The following AVIL variants were observed in gnomAD, a reference collection of about 807,000 sequenced individuals.
The protein encoded by AVIL is advillin.
AVIL carries 78 observed loss-of-function variants against 109.9 expected under a neutral mutation model. The observed-to-expected ratio is 0.71, with a 90% CI of 0.59 to 0.86. AVIL has a LOEUF of 0.86. Among genes scored for constraint, AVIL ranks in the 40% least tolerant of loss-of-function variants. AVIL has a pLI of 0.00. For synonymous variants in AVIL, 367 were observed against 379.1 expected (o/e 0.97, Z 0.37); for missense variants, 892 against 1,016.5 (o/e 0.88, Z 1.67).
chr12:57,807,485 C>T lies in AVIL; in HGVS notation c.1337G>A (p.Arg446His), dbSNP rs1334894971. The change falls in exon 13 of 20, where the codon CGC (arginine) becomes CAC (histidine). Residue 446 changes from arginine to histidine, a missense_variant. By Grantham distance (29) the Arg-to-His change is conservative (BLOSUM62 0). Coordinates refer to ENST00000549994, the MANE Select transcript of AVIL (RefSeq NM_006576.4). ...TGCCAGCTCATCCTGTGAGGCGTGGCGGCCCTGCAATGGTGAGAGGCCATG... is the reference window on the plus strand; with the variant it reads ...TGCCAGCTCATCCTGTGAGGCGTGGTGGCCCTGCAATGGTGAGAGGCCATG... ...PHHILYIWQG[R>H]HASQDELAAS... The T allele has an allele frequency of 1.2e-5, 19 of 1,614,130 alleles. 1 individual carries two copies. The highest frequency in any genetic ancestry group is 5.5e-5 in the South Asian group (5 of 91,094).
In AVIL at chr12:57,807,238, C is replaced by T. The variant is rs942163569; in HGVS notation, c.1491+93G>A. 7 of 1,569,182 alleles carry T rather than the reference C, an allele frequency of 4.5e-6. No homozygotes were observed. In the South Asian group the frequency reaches 8.1e-5, roughly 18 times the overall value. On this transcript the variant is annotated intron_variant, in intron 13 of 19. Coordinates refer to ENST00000549994, the MANE Select transcript of AVIL (RefSeq NM_006576.4). ...TGTCTAATCCAAGCCTGACTCCCTACCCCACCCCTCCTCTGCTCTCCAATA... is the reference window on the plus strand; with the variant it reads ...TGTCTAATCCAAGCCTGACTCCCTATCCCACCCCTCCTCTGCTCTCCAATA...
Position 57,809,634 on chromosome 12 carries a change from G to T in AVIL, c.902C>A (p.Thr301Lys), listed in dbSNP as rs1956007404. Reference protein sequence around the residue: ...KIYVWKGKGATKAEKQAAMSK... With the variant: ...KIYVWKGKGAKKAEKQAAMSK... ...CATGGCTGCCTGTTTTTCAGCCTTT[G>T]TGGCTCCTTTTCCTTTCCACACGTA... The change falls in exon 9 of 20, where the codon ACA (threonine) becomes AAA (lysine). Residue 301 changes from threonine to lysine, a missense_variant. Physicochemically the swap from Thr to Lys is moderately conservative, Grantham distance 78. Transcript: ENST00000549994. 1 of 1,614,084 alleles carries T rather than the reference G, an allele frequency of 6.2e-7. No homozygotes were observed. Among genetic ancestry groups the T allele is most frequent in the African/African-American group, 1.3e-5 (1 of 74,936 alleles).
intron 18 of AVIL, 72 bp from the exon 19 acceptor site, chr12:57,799,992 T>A: frequency 6.4e-7 from 1 of 1,562,670 alleles, no homozygotes. Context: ...TCTGAATGTG[T>A]ATAATATTTA....
At position 57,811,270 on chromosome 12, in the gene AVIL, C is replaced by G. The variant is rs1415629541; in HGVS notation, c.339-143G>C. The G allele has an allele frequency of 5.4e-6, 4 of 741,938 alleles. No homozygotes were observed. The East Asian group carries it at 1.1e-4, about 20-fold the overall frequency. 46.0% of individuals were successfully genotyped at this position (741,938 alleles called of 1,614,324 possible). ...AATACAGATGGTGGCAGCTGCTGCC[C>G]CACAAGTAGACTGGGTGAGTGACTT... On this transcript the variant is annotated intron_variant, in intron 4 of 19. Transcript: ENST00000549994.
intron 16 of AVIL, chr12:57,802,788 A>G: frequency 1.7e-6 from 1 of 577,784 alleles, no homozygotes; most frequent in Non-Finnish European, 3.0e-6. Context: ...ATGAGTCACC[A>G]GGGCTGACCA....
rs761815260 is a variant in AVIL at position 57,802,177 on chromosome 12, C to T, written c.2134G>A (p.Asp712Asn). 3.1e-6 allele frequency: 5 copies of T among 1,613,816 alleles called. No homozygotes were observed. The highest frequency in any genetic ancestry group is 4.2e-6 in the Non-Finnish European group (5 of 1,179,888). Residue 712 changes from aspartate (D) to asparagine (N), a missense_variant, in exon 17 of 20, where the codon GAC becomes AAC. Physicochemically the swap from Asp to Asn is conservative, Grantham distance 23. Coordinates refer to ENST00000549994, the MANE Select transcript of AVIL (RefSeq NM_006576.4). Reference protein sequence around the residue: ...PIFTGWFLAWDPNIWSAGKTY... With the variant: ...PIFTGWFLAWNPNIWSAGKTY... Reference sequence around the variant, plus strand: ...TTTCTTACACTCCAAATGTTAGGGTCCCAGGCTAGGAACCAGCCTGTGAAG... The same window carrying T: ...TTTCTTACACTCCAAATGTTAGGGTTCCAGGCTAGGAACCAGCCTGTGAAG...
chr12:57,797,548 AAT>A lies in AVIL; in HGVS notation c.*332_*333del. 1 of 918,624 alleles carries A rather than the reference AAT, an allele frequency of 1.1e-6. No individual in the cohort carries two copies. The allele number at this position is 918,624 out of a possible 1,614,324, so 56.9% of individuals were successfully genotyped here. A position where few individuals can be genotyped will look rare whatever the true frequency, so the allele number is the denominator to read the frequency against. On this transcript the variant is annotated 3_prime_UTR_variant, in exon 20 of 20. Coordinates refer to ENST00000549994, the MANE Select transcript of AVIL (RefSeq NM_006576.4). ...TGAAAACAAAGGTAGGTCCTGGTAT[AAT>A]ATTAAACATAAAGTTATTAAACATT...
Position 57,803,243 on chromosome 12 carries a change from T to C in AVIL, c.1962+4A>G. On this transcript the variant is annotated splice_donor_region_variant and intron_variant, in intron 16 of 19. Coordinates refer to ENST00000549994, the MANE Select transcript of AVIL (RefSeq NM_006576.4). ...ATGTTCTGACTTCTGCAGCTGTGTC[T>C]TACCTGGTCCCAGGTATCTAGGAGC... The C allele has an allele frequency of 6.2e-7, 1 of 1,614,050 alleles. No homozygotes were observed. The highest frequency in any genetic ancestry group is 1.1e-5 in the South Asian group (1 of 91,066).
chr12:57,802,343 G>A lies in AVIL; in HGVS notation c.1968C>T (p.Phe656=). The A allele has an allele frequency of 6.2e-7, 1 of 1,610,628 alleles. No individual in the cohort carries two copies. The highest frequency in any genetic ancestry group is 8.5e-7 in the Non-Finnish European group (1 of 1,178,214). The change falls in exon 17 of 20, where the codon TTC becomes TTT. Residue 656 remains phenylalanine, a synonymous_variant. Transcript: ENST00000549994. ...CATTGGCCTCAGCCCCAATCCACAA[G>A]AACACCTGTTAAGGTGGAGATTTAA... is the stretch of plus-strand genomic sequence containing the variant. ...VMLLDTWDQV[F]LWIGAEANAT... is the part of the protein sequence containing the mutation.
chr12:57,815,787 C>T lies in AVIL; in HGVS notation c.66+188G>A. The T allele has an allele frequency of 6.1e-6, 9 of 1,472,874 alleles. No homozygotes were observed. In the South Asian group the frequency reaches 1.1e-4, roughly 18 times the overall value. The allele number at this position is 1,472,874 out of a possible 1,614,324, so 91.2% of individuals were successfully genotyped here. A position where few individuals can be genotyped will look rare whatever the true frequency, so the allele number is the denominator to read the frequency against. ...CTTCGGGGCTGAACATTTCCTCCAC[C>T]TGCCAACCACCTGCTTTGAGCACCC... is the stretch of plus-strand genomic sequence containing the variant. On this transcript the variant is annotated intron_variant, in intron 2 of 19. Coordinates refer to ENST00000549994, the MANE Select transcript of AVIL (RefSeq NM_006576.4).
In AVIL at chr12:57,810,876, G is replaced by A. The variant is rs750901920; in HGVS notation, c.498C>T (p.Asp166=). 94 of 1,614,052 alleles carry A rather than the reference G, an allele frequency of 5.8e-5. No homozygotes were observed. Among genetic ancestry groups the A allele is most frequent in the Non-Finnish European group, 7.4e-5 (87 of 1,180,034 alleles). The stretch of plus-strand genomic sequence containing the variant: ...TCCATTGGATGATGACTTTCCCAAG[G>A]TCCAGCAAGAAGACATCACCTCGGT... ...SFNRGDVFLL[D]LGKVIIQWNG... Residue 166 remains aspartate (D), a synonymous_variant, in exon 6 of 20, where the codon GAC becomes GAT. Transcript: ENST00000549994.
At chr12:57,810,582 T>C in intron 6 of AVIL, 31 bp from the exon 7 acceptor site, 1 of 1,609,662 alleles carries the variant, frequency 6.2e-7, no homozygotes, top group Non-Finnish European at 8.5e-7. Context: ...AGCCCTCAGC[T>C]CCTCTGGGAC....
rs756444035 is a variant in AVIL at position 57,802,313 on chromosome 12, C to T, written c.1998G>A (p.Thr666=). Residue 666 remains threonine, a synonymous_variant, in exon 17 of 20, where the codon ACG becomes ACA. Coordinates refer to ENST00000549994, the MANE Select transcript of AVIL (RefSeq NM_006576.4). The part of the protein sequence containing the change: ...FLWIGAEANA[T]EKESALATAQ... ...CTGTGGCAAGGGCACTCTCCTTCTCCGTGGCATTGGCCTCAGCCCCAATCC... is the reference window on the plus strand; with the variant it reads ...CTGTGGCAAGGGCACTCTCCTTCTCTGTGGCATTGGCCTCAGCCCCAATCC... The T allele has an allele frequency of 2.3e-5, 37 of 1,613,530 alleles. No individual in the cohort carries two copies. Among genetic ancestry groups the T allele is most frequent in the East Asian group, 1.8e-4 (8 of 44,886 alleles).
At chr12:57,801,285 G>C in intron 17 of AVIL, 73 bp from the exon 18 acceptor site, 1 of 1,283,554 alleles carries the variant, frequency 7.8e-7, no homozygotes, top group Non-Finnish European at 1.1e-6. Flanking sequence ...TCTGGTCTGT[G>C]TCTTCAGGAA....
intron 14 of AVIL, chr12:57,804,014 C>T (rs1955902091): frequency 5.6e-6 from 1 of 179,636 alleles, no homozygotes; most frequent in Non-Finnish European, 1.2e-5. Flanking sequence ...ACTCTTTTGA[C>T]ATACAATTCT....
At chr12:57,801,280 T>G (rs1001971376) in intron 17 of AVIL, 68 bp from the exon 18 acceptor site, 3 of 1,335,162 alleles carry the variant, frequency 2.2e-6, no homozygotes, top group Non-Finnish European at 3.2e-6. Flanking sequence ...TTAGGTCTGG[T>G]CTGTGTCTTC....
At position 57,797,673 on chromosome 12, in the gene AVIL, CA is replaced by C; in HGVS notation, c.*208del. On this transcript the variant is annotated 3_prime_UTR_variant, in exon 20 of 20. Coordinates refer to ENST00000549994, the MANE Select transcript of AVIL (RefSeq NM_006576.4). ...GCTTTAGCTAGAGGGCCACAAAACCCAAAAACTATATGGTTAACATTTTAGG... is the reference window on the plus strand; with the variant it reads ...GCTTTAGCTAGAGGGCCACAAAACCCAAAACTATATGGTTAACATTTTAGG... 8.2e-6 allele frequency: 6 copies of C among 733,286 alleles called. No individual in the cohort carries two copies. The highest frequency in any genetic ancestry group is 1.9e-5 in the African/African-American group (1 of 53,690). The allele number at this position is 733,286 out of a possible 1,614,324, so 45.4% of individuals were successfully genotyped here.
At position 57,803,666 on chromosome 12, in the gene AVIL, AC is replaced by A; in HGVS notation, c.1674del (p.Ser559LeufsTer54). The A allele has an allele frequency of 6.2e-7, 1 of 1,613,774 alleles. No individual in the cohort carries two copies. The highest frequency in any genetic ancestry group is 8.5e-7 in the Non-Finnish European group (1 of 1,179,950). ...GCCATTGCCCGCTCATCCCCACTAG[AC>A]CCCTGAGAGTGGGGCGAGGAGAGCA... ...QAEHYLWYGK[G>X]SSGDERAMAK... On this transcript the variant is annotated frameshift_variant and splice_region_variant, in exon 15 of 20. Coordinates refer to ENST00000549994, the MANE Select transcript of AVIL (RefSeq NM_006576.4). LOFTEE classifies it high-confidence loss of function.
At chr12:57,802,450 T>G (rs1409770086) in intron 16 of AVIL, 102 bp from the exon 17 acceptor site, 1 of 1,373,424 alleles carries the variant, frequency 7.3e-7, no homozygotes, top group East Asian at 2.5e-5. Context: ...TCGTGAGCAA[T>G]TCACAGCCTC....
Sources: allele counts gnomAD v4.1 joint callset, GRCh38; gene constraint gnomAD v4.1.1; transcripts MANE v1.5; gene names NCBI Gene and HGNC (gene_info 2026-07-23, HGNC 2026-07-21).